The following PLEKHM1 variants were observed in gnomAD, a reference collection of about 807,000 sequenced individuals.
PLEKHM1 encodes pleckstrin homology and RUN domain containing M1.
A neutral mutation model predicts 94.3 loss-of-function variants in PLEKHM1; 28 were observed. That is an observed-to-expected ratio of 0.30 (90% confidence interval 0.22 to 0.41). PLEKHM1 has a LOEUF of 0.41. Ranked by LOEUF, PLEKHM1 falls within the 10% of genes least tolerant of loss-of-function variation. The probability of loss-of-function intolerance (pLI) is 1.00; values close to 1 mark genes in which losing one functional copy is unlikely to be tolerated. For synonymous variants in PLEKHM1, 424 were observed against 581.2 expected (o/e 0.73, Z 3.89); for missense variants, 907 against 1,358.6 (o/e 0.67, Z 5.22).
intron 4 of PLEKHM1, among the ~76,000 whole-genome samples, chr17:45,472,596 C>A (rs1459338434): frequency 1.3e-5 from 2 of 152,174 alleles, no homozygotes; most frequent in Non-Finnish European, 2.9e-5. Context: ...ATGCCATGGT[C>A]CCAGTGGTCA....
chr17:45,451,186 G>A (rs1364415373), intron 7 of PLEKHM1, among the ~76,000 whole-genome samples: 1 of 152,234 alleles, frequency 6.6e-6, no homozygotes, highest in Non-Finnish European at 1.5e-5. Flanking sequence ...CAGAATGGAA[G>A]CAGCAGAGTA....
Position 45,437,084 on chromosome 17 carries a change from A to C in PLEKHM1, c.*774T>G, listed in dbSNP as rs1186593492. 4.4e-6 allele frequency: 2 copies of C among 454,510 alleles called. No individual in the cohort carries two copies. The highest frequency in any genetic ancestry group is 1.4e-4 in the East Asian group (2 of 14,390). 28.2% of individuals were successfully genotyped at this position (454,510 alleles called of 1,614,324 possible). On this transcript the variant is annotated 3_prime_UTR_variant, in exon 12 of 12. Transcript: ENST00000430334. This position sits in a 1 kb window ranked among gnomAD's most constrained non-coding sequence, Gnocchi z 4.0. ...GTGCTGACAGTGCTGGTTTCCAGTCATTTCTCCTTCTCCTAATGGGGCCAA... is the reference window on the plus strand; with the variant it reads ...GTGCTGACAGTGCTGGTTTCCAGTCCTTTCTCCTTCTCCTAATGGGGCCAA...
intron 5 of PLEKHM1, among the ~76,000 whole-genome samples, chr17:45,467,162 G>T (rs971622498): frequency 1.3e-5 from 2 of 152,176 alleles, no homozygotes; most frequent in Non-Finnish European, 2.9e-5. Context: ...TACCCAGGTT[G>T]GTCTCCAACT....
At chr17:45,471,258 C>T (rs2145298250) in intron 4 of PLEKHM1, among the ~76,000 whole-genome samples, 1 of 150,300 alleles carries the variant, frequency 6.7e-6, no homozygotes, top group East Asian at 1.9e-4. Context: ...CACTTTATAC[C>T]CACTGGGTTG....
chr17:45,448,040 G>C (rs2050665451), intron 8 of PLEKHM1: 1 of 152,056 alleles, frequency 6.6e-6, no homozygotes, highest in Non-Finnish European at 1.5e-5. Flanking sequence ...CAGGTGATCC[G>C]CCCACCTCAG....
downstream of PLEKHM1, among the ~76,000 whole-genome samples, chr17:45,435,079 G>A (rs1028124164): frequency 3.3e-5 from 5 of 151,800 alleles, no homozygotes; most frequent in African/African-American, 7.3e-5. Flanking sequence ...ACCAGGTCAC[G>A]TGCTGTGGCC....
intron 4 of PLEKHM1, 51 bp from the exon 5 acceptor site, chr17:45,468,644 C>T (rs1467561301): frequency 1.9e-6 from 3 of 1,589,054 alleles, no homozygotes; most frequent in African/African-American, 2.7e-5. Context: ...TGCGATAATG[C>T]CCAAGGCAAC....
chr17:45,475,995 T>G, intron 3 of PLEKHM1: 1 of 522,926 alleles, frequency 1.9e-6, no homozygotes, highest in East Asian at 3.6e-5. Context: ...AACAACAACA[T>G]AGCCAGATGT....
chr17:45,440,263 T>A (rs749908579), intron 9 of PLEKHM1, 37 bp from the exon 10 acceptor site: 4 of 1,599,644 alleles, frequency 2.5e-6, no homozygotes. Flanking sequence ...TAGAAAGGTT[T>A]CCAGAACCCA....
rs1206153817 is a variant in PLEKHM1 at position 45,478,033 on chromosome 17, C to A, written c.163G>T (p.Glu55Ter). ...GDANTMCSAL[E>*]AVFIHGLHAK... ...TGCAGGCCATGGATAAATACGGCCT[C>A]CAGGGCGCTGCACATGGTGTTGGCA... is the stretch of plus-strand genomic sequence containing the variant. Residue 55 changes from glutamate to a stop codon, truncating the protein, a stop_gained, in exon 3 of 12, where the codon GAG (glutamate) becomes TAG (stop). Transcript: ENST00000430334. LOFTEE classifies it high-confidence loss of function. 1 of 1,614,212 alleles carries A rather than the reference C, an allele frequency of 6.2e-7. No homozygotes were observed. Among genetic ancestry groups the A allele is most frequent in the South Asian group, 1.1e-5 (1 of 91,088 alleles).
At chr17:45,439,764 C>T (rs887130555) in intron 10 of PLEKHM1, 130 bp from the exon 11 acceptor site, 28 of 1,224,096 alleles carry the variant, frequency 2.3e-5, no homozygotes, top group Middle Eastern at 4.6e-4. Flanking sequence ...GAACTTCTAC[C>T]CCCCGTTTCC....
chr17:45,438,007 G>T, intron 11 of PLEKHM1, 38 bp from the exon 12 acceptor site: 1 of 1,531,822 alleles, frequency 6.5e-7, no homozygotes, highest in Non-Finnish European at 9.0e-7. Flanking sequence ...TGCCGGCTGG[G>T]CTGGAGGTTG....
In PLEKHM1 at chr17:45,490,673, C is replaced by G. The variant is rs2052286170; in HGVS notation, c.-63G>C. ...TCACCAAGCGGAGCGAGGAGCGAGG[C>G]GAGGGGCGCTCCCGGCCGCGGCAGC... is the stretch of plus-strand genomic sequence containing the variant. On this transcript the variant is annotated 5_prime_UTR_variant, in exon 1 of 12. Transcript: ENST00000430334. The G allele has an allele frequency of 2.2e-6, 1 of 450,612 alleles. No homozygotes were observed. The highest frequency in any genetic ancestry group is 4.5e-6 in the Non-Finnish European group (1 of 224,650). 27.9% of individuals were successfully genotyped at this position (450,612 alleles called of 1,614,324 possible). A position where few individuals can be genotyped will look rare whatever the true frequency, so the allele number is the denominator to read the frequency against.
At position 45,445,372 on chromosome 17, in the gene PLEKHM1, T is replaced by C. The variant is rs1192215404; in HGVS notation, c.2837+98A>G. ...GTGTGGGTATGTGTGCACATGTGTA[T>C]GTGTGTCTGTGTGTACATGTGCATA... is the stretch of plus-strand genomic sequence containing the variant. On this transcript the variant is annotated intron_variant, in intron 9 of 11. Transcript: ENST00000430334. The surrounding 1 kb of genome is among the most constrained non-coding windows in gnomAD (Gnocchi z 4.2). 6.6e-6 allele frequency: 6 copies of C among 913,830 alleles called. No homozygotes were observed. The highest frequency in any genetic ancestry group is 1.6e-5 in the African/African-American group (1 of 62,316). The allele number at this position is 913,830 out of a possible 1,614,324, so 56.6% of individuals were successfully genotyped here.
intron 4 of PLEKHM1, among the ~76,000 whole-genome samples, chr17:45,471,689 G>A (rs898239368): frequency 5.9e-5 from 9 of 152,222 alleles, no homozygotes; most frequent in African/African-American, 2.2e-4. Context: ...CCAGGAGGCG[G>A]AGGTTGCAGT....
intron 1 of PLEKHM1, 25 bp from the exon 2 acceptor site, chr17:45,482,550 T>G: frequency 1.0e-6 from 1 of 988,574 alleles, no homozygotes; most frequent in Non-Finnish European, 1.6e-6. Flanking sequence ...GGCAGCCAGA[T>G]GAATGGGCAG....
chr17:45,459,461 TC>T (rs1372762575), intron 5 of PLEKHM1: 3 of 152,042 alleles, frequency 2.0e-5, no homozygotes, highest in Non-Finnish European at 2.9e-5. Flanking sequence ...AAGTGTTCAT[TC>T]CTTTTTATTG....
chr17:45,464,779 C>T (rs1363301355), intron 5 of PLEKHM1, among the ~76,000 whole-genome samples: 3 of 152,230 alleles, frequency 2.0e-5, no homozygotes, highest in Admixed American at 1.3e-4. Flanking sequence ...CCAACCTGAC[C>T]ACCCTGTCCA....
downstream of PLEKHM1, among the ~76,000 whole-genome samples, chr17:45,435,219 T>C (rs1158265605): frequency 6.6e-6 from 1 of 152,222 alleles, no homozygotes; most frequent in African/African-American, 2.4e-5. Context: ...CCTTGTAATC[T>C]GAAAGGGGCC....
Sources: gnomAD v4.1 joint callset for allele counts (sites outside exome capture counted in the v4.1 genomes callset) on GRCh38, gnomAD v4.1.1 for gene constraint, Gnocchi (gnomAD v3.1) non-coding constraint, MANE v1.5 for transcripts, NCBI Gene and HGNC (gene_info 2026-07-23, HGNC 2026-07-21) for gene names.